The following FRMD4A variants were observed in gnomAD, a reference collection of about 807,000 sequenced individuals.
The protein encoded by FRMD4A is FERM domain containing 4A.
FRMD4A carries 29 observed loss-of-function variants against 129.1 expected under a neutral mutation model. The ratio of observed to expected loss-of-function variants is 0.22; its 90% CI spans 0.17 to 0.31. The LOEUF (loss-of-function observed/expected upper bound fraction) is 0.31, where lower values mean the gene tolerates loss of function less well. FRMD4A is among the 10% of genes least tolerant of loss of function. The probability of loss-of-function intolerance (pLI) is 1.00; values close to 1 mark genes in which losing one functional copy is unlikely to be tolerated. For synonymous variants in FRMD4A, 634 were observed against 571.6 expected (o/e 1.11, Z -1.56); for missense variants, 1,272 against 1,375.8 (o/e 0.92, Z 1.19).
chr10:13,818,295 G>T (rs954492115), intron 3 of FRMD4A, among the ~76,000 whole-genome samples: 1 of 151,920 alleles, frequency 6.6e-6, no homozygotes, highest in Non-Finnish European at 1.5e-5. Flanking sequence ...CCTGAGTAGG[G>T]GGGGACTACA....
At chr10:14,248,375 T>A (rs934909451) in intron 2 of FRMD4A, among the ~76,000 whole-genome samples, 2 of 152,230 alleles carry the variant, frequency 1.3e-5, no homozygotes, top group Non-Finnish European at 2.9e-5. Context: ...ATCTAAATAA[T>A]ACATTAATGT....
chr10:14,288,308 A>G (rs1201827277), intron 2 of FRMD4A, among the ~76,000 whole-genome samples: 2 of 152,168 alleles, frequency 1.3e-5, no homozygotes, highest in African/African-American at 4.8e-5. Context: ...ATGTACTGAT[A>G]TGGTTTGCCT....
intron 2 of FRMD4A, among the ~76,000 whole-genome samples, chr10:14,117,674 G>C (rs1838269320): frequency 6.6e-6 from 1 of 152,186 alleles, no homozygotes; most frequent in Non-Finnish European, 1.5e-5. Flanking sequence ...GGTGGAAGGA[G>C]GGTGGAAGGA....
chr10:14,308,263 T>C (rs1846418760), intron 2 of FRMD4A, among the ~76,000 whole-genome samples: 1 of 152,228 alleles, frequency 6.6e-6, no homozygotes, highest in Non-Finnish European at 1.5e-5. Context: ...CTTTAATTGG[T>C]CTTGAATGAC....
At chr10:14,208,744 A>C (rs2131952183) in intron 2 of FRMD4A, among the ~76,000 whole-genome samples, 1 of 152,318 alleles carries the variant, frequency 6.6e-6, no homozygotes, top group South Asian at 2.1e-4. Context: ...AGCAGGGCTA[A>C]GAAAGGCACA....
At chr10:14,123,412 G>C (rs118051760) in intron 2 of FRMD4A, among the ~76,000 whole-genome samples, 3,042 of 152,242 alleles carry the variant, frequency 0.02, 36 homozygotes, top group Middle Eastern at 0.051. Context: ...CATTTCTCTT[G>C]CCAGCTGGGC....
chr10:14,156,180 G>A (rs1840588357), intron 2 of FRMD4A, among the ~76,000 whole-genome samples: 1 of 152,086 alleles, frequency 6.6e-6, no homozygotes, highest in Non-Finnish European at 1.5e-5. Flanking sequence ...ACACAATGTT[G>A]TACTCAATCA....
intron 14 of FRMD4A, among the ~76,000 whole-genome samples, chr10:13,697,449 G>A (rs1029595481): frequency 6.6e-6 from 1 of 152,072 alleles, no homozygotes; most frequent in African/African-American, 2.4e-5. Flanking sequence ...CGCCCGGTCC[G>A]GATTCTTTCT....
intron 12 of FRMD4A, among the ~76,000 whole-genome samples, chr10:13,714,371 GT>G (rs1266887593): frequency 1.3e-5 from 2 of 150,514 alleles, no homozygotes; most frequent in African/African-American, 4.9e-5. Flanking sequence ...CCAGGTATAT[GT>G]TTTTAGTGGG....
chr10:13,798,463 TC>T (rs1332410494), intron 4 of FRMD4A, among the ~76,000 whole-genome samples: 1 of 151,896 alleles, frequency 6.6e-6, no homozygotes, highest in African/African-American at 2.4e-5. Context: ...ACGCCTGTAA[TC>T]CCCACACTTT....
chr10:14,274,096 G>A (rs1042337310), intron 2 of FRMD4A, among the ~76,000 whole-genome samples: 3 of 152,226 alleles, frequency 2.0e-5, no homozygotes, highest in African/African-American at 7.2e-5. Flanking sequence ...AAAGGGAGGT[G>A]CTGTGTACAG....
chr10:14,225,083 T>C (rs1248514737), intron 2 of FRMD4A, among the ~76,000 whole-genome samples: 1 of 152,170 alleles, frequency 6.6e-6, no homozygotes, highest in Non-Finnish European at 1.5e-5. Flanking sequence ...GACATTCTTA[T>C]TAGAATTAGC....
intron 2 of FRMD4A, among the ~76,000 whole-genome samples, chr10:14,161,691 G>C (rs915984368): frequency 6.6e-6 from 1 of 152,108 alleles, no homozygotes; most frequent in African/African-American, 2.4e-5. Flanking sequence ...CATGAGGAGA[G>C]GTTGGTTAAT....
At chr10:13,925,868 C>T (rs1345504906) in intron 2 of FRMD4A, among the ~76,000 whole-genome samples, 1 of 144,996 alleles carries the variant, frequency 6.9e-6, no homozygotes, top group African/African-American at 2.6e-5. Flanking sequence ...CAGGGGTGAG[C>T]CACTGCACCT....
intron 2 of FRMD4A, among the ~76,000 whole-genome samples, chr10:14,168,169 G>T (rs1841291262): frequency 6.6e-6 from 1 of 152,176 alleles, no homozygotes; most frequent in Non-Finnish European, 1.5e-5. Flanking sequence ...GAGACGCTTG[G>T]ACTTTCTCAT....
chr10:14,269,601 T>C (rs1368793466), intron 2 of FRMD4A, among the ~76,000 whole-genome samples: 1 of 152,150 alleles, frequency 6.6e-6, no homozygotes, highest in Non-Finnish European at 1.5e-5. Flanking sequence ...AGAAAAGTTA[T>C]CTGCGTCTAA....
At chr10:14,104,901 A>G (rs1837505387) in intron 2 of FRMD4A, among the ~76,000 whole-genome samples, 1 of 152,188 alleles carries the variant, frequency 6.6e-6, no homozygotes. Context: ...GGCAGGCCTG[A>G]GAAGTGTGCC....
intron 2 of FRMD4A, among the ~76,000 whole-genome samples, chr10:13,962,745 C>T (rs1448572985): frequency 6.6e-6 from 1 of 152,188 alleles, no homozygotes; most frequent in Non-Finnish European, 1.5e-5. Flanking sequence ...CTCAAATTCT[C>T]AGTTGATTCC....
intron 3 of FRMD4A, among the ~76,000 whole-genome samples, chr10:13,837,784 T>G (rs548175998): frequency 6.6e-6 from 1 of 152,326 alleles, no homozygotes; most frequent in East Asian, 1.9e-4. Flanking sequence ...CTTCTGCAAG[T>G]TGTACCCTTA....
Sources: allele counts gnomAD v4.1 joint callset (sites outside exome capture counted in the v4.1 genomes callset), GRCh38; gene constraint gnomAD v4.1.1; transcripts MANE v1.5; gene names NCBI Gene and HGNC (gene_info 2026-07-23, HGNC 2026-07-21).